The following CA10 variants were observed in gnomAD, a reference collection of about 807,000 sequenced individuals.
CA10 encodes the protein carbonic anhydrase 10 (inactive).
A neutral mutation model predicts 44.2 loss-of-function variants in CA10; 14 were observed. The ratio of observed to expected loss-of-function variants is 0.32; its 90% CI spans 0.21 to 0.50. CA10 has a LOEUF of 0.50. Ranked by LOEUF, CA10 falls within the 20% of genes least tolerant of loss-of-function variation. The pLI, the probability that CA10 is intolerant of heterozygous loss-of-function variation, is 0.99. For synonymous variants in CA10, 159 were observed against 141.6 expected (o/e 1.12, Z -0.87); for missense variants, 350 against 409.7 (o/e 0.85, Z 1.26).
intron 3 of CA10, among the ~76,000 whole-genome samples, chr17:51,823,297 G>A (rs1907886343): frequency 6.6e-6 from 1 of 152,212 alleles, no homozygotes; most frequent in African/African-American, 2.4e-5. Context: ...ACTCCAGGAA[G>A]CCACGGTGGG....
chr17:51,978,648 C>A (rs1424660215), intron 2 of CA10, among the ~76,000 whole-genome samples: 2 of 152,028 alleles, frequency 1.3e-5, no homozygotes, highest in Non-Finnish European at 2.9e-5. Context: ...AGGCAGAACA[C>A]AATAGGCATT....
At chr17:52,081,216 T>A (rs2143172538) in intron 1 of CA10, among the ~76,000 whole-genome samples, 2 of 152,320 alleles carry the variant, frequency 1.3e-5, no homozygotes, top group East Asian at 3.9e-4. Context: ...TGAGATTGTA[T>A]GACAGTGATG....
At chr17:51,663,043 TC>T (rs1376165465) in intron 4 of CA10, among the ~76,000 whole-genome samples, 1 of 152,142 alleles carries the variant, frequency 6.6e-6, no homozygotes, top group African/African-American at 2.4e-5. Flanking sequence ...TCTGATTATT[TC>T]TTTATGCATA....
chr17:51,776,825 A>T (rs1272907152), intron 3 of CA10, among the ~76,000 whole-genome samples: 1 of 152,194 alleles, frequency 6.6e-6, no homozygotes, highest in Non-Finnish European at 1.5e-5. Context: ...CGTATTGGAC[A>T]ATTCAGTCCT....
chr17:51,850,601 C>T (rs879373167), intron 3 of CA10, among the ~76,000 whole-genome samples: 23 of 152,300 alleles, frequency 1.5e-4, no homozygotes, highest in African/African-American at 2.4e-4. Flanking sequence ...CTCCATTTCA[C>T]GGATGGGAGG....
At chr17:51,864,448 T>G (rs943937293) in intron 3 of CA10, among the ~76,000 whole-genome samples, 2 of 152,230 alleles carry the variant, frequency 1.3e-5, no homozygotes, top group African/African-American at 4.8e-5. Flanking sequence ...ATAGATTTAC[T>G]TCTGGCATTT....
In CA10 at chr17:52,072,307, A is replaced by C; in HGVS notation, c.136+12T>G. The C allele has an allele frequency of 6.4e-7, 1 of 1,551,716 alleles. No individual in the cohort carries two copies. The highest frequency in any genetic ancestry group is 8.9e-7 in the Non-Finnish European group (1 of 1,126,152). On this transcript the variant is annotated intron_variant, in intron 2 of 8. Transcript: ENST00000451037. ...TTTTAATAAATAAATTAAAGAATTA[A>C]TGTGTACTTACCTGGAACAAAGCTT...
intron 2 of CA10, among the ~76,000 whole-genome samples, chr17:51,973,492 A>G (rs1207991232): frequency 6.6e-6 from 1 of 152,234 alleles, no homozygotes; most frequent in East Asian, 1.9e-4. Flanking sequence ...GAGGTCTAGC[A>G]GAGAATAACT....
intron 2 of CA10, among the ~76,000 whole-genome samples, chr17:52,017,233 G>C (rs1287824010): frequency 6.6e-6 from 1 of 152,136 alleles, no homozygotes; most frequent in Non-Finnish European, 1.5e-5. Context: ...AGCAGCTTTG[G>C]GACTTGGTAA....
At chr17:51,806,494 A>G (rs1907144283) in intron 3 of CA10, among the ~76,000 whole-genome samples, 1 of 152,244 alleles carries the variant, frequency 6.6e-6, no homozygotes, top group Non-Finnish European at 1.5e-5. Flanking sequence ...CTGAACAAGT[A>G]AATTAATGGG....
intron 3 of CA10, among the ~76,000 whole-genome samples, chr17:51,894,979 T>C (rs1981009429): frequency 6.6e-6 from 1 of 152,056 alleles, no homozygotes; most frequent in African/African-American, 2.4e-5. Context: ...TGTAAAAAAA[T>C]TGGAATCCCT....
chr17:52,122,368 A>C (rs1383067024), intron 1 of CA10, among the ~76,000 whole-genome samples: 2 of 152,250 alleles, frequency 1.3e-5, no homozygotes, highest in Admixed American at 6.5e-5. Flanking sequence ...TTAAAGCCTA[A>C]GACAAAAGAG....
intron 1 of CA10, among the ~76,000 whole-genome samples, chr17:52,097,733 A>T (rs961332444): frequency 1.3e-5 from 2 of 152,028 alleles, no homozygotes; most frequent in South Asian, 2.1e-4. Context: ...GGGTCAAGTC[A>T]TCAAGGAGAC....
intron 3 of CA10, among the ~76,000 whole-genome samples, chr17:51,754,000 C>T (rs970245998): frequency 6.6e-5 from 10 of 152,040 alleles, no homozygotes; most frequent in African/African-American, 9.7e-5. Context: ...CCTGCCATCA[C>T]GCCCAGCTAA....
intron 1 of CA10, among the ~76,000 whole-genome samples, chr17:52,126,987 T>A (rs1989133606): frequency 6.6e-6 from 1 of 152,246 alleles, no homozygotes; most frequent in African/African-American, 2.4e-5. Flanking sequence ...TTTACTTATA[T>A]ATTTGTATAT....
At position 51,717,786 on chromosome 17, in the gene CA10, T is replaced by TAC. The variant is rs1916193398; in HGVS notation, c.465+29846_465+29847insGT. Among the ~76,000 whole-genome samples the TAC allele has an allele frequency of 1.6e-4, 12 of 72,866 alleles. 2 individuals are homozygous for TAC. Among genetic ancestry groups the TAC allele is most frequent in the Admixed American group, 7.1e-4 (4 of 5,652 alleles). 47.8% of individuals were successfully genotyped at this position (72,866 alleles called of 152,430 possible). A position where few individuals can be genotyped will look rare whatever the true frequency, so the allele number is the denominator to read the frequency against. Reference sequence around the variant, plus strand: ...ATATATGTATACATATATGCATGTATATATGTATATGTGTATATATATACA... The same window carrying TAC: ...ATATATGTATACATATATGCATGTATACATATGTATATGTGTATATATATACA... On this transcript the variant is annotated intron_variant, in intron 4 of 8. Coordinates refer to ENST00000451037, the MANE Select transcript of CA10 (RefSeq NM_020178.5).
At chr17:51,822,443 AACAAAAAAAC>A (rs915116123) in intron 3 of CA10, among the ~76,000 whole-genome samples, 4 of 151,960 alleles carry the variant, frequency 2.6e-5, no homozygotes, top group African/African-American at 9.7e-5. Context: ...CAAAAACAAA[AACAAAAAAAC>A]AAACAAAAAA....
Position 51,981,793 on chromosome 17 carries a change from T to C in CA10, c.137-50661A>G, listed in dbSNP as rs543342974. 2.0e-5 allele frequency among the ~76,000 whole-genome samples: 3 copies of C among 152,190 alleles called. No individual in the cohort carries two copies. In the South Asian group the frequency reaches 6.2e-4, roughly 31 times the overall value. On this transcript the variant is annotated intron_variant, in intron 2 of 8. Transcript: ENST00000451037. Reference sequence around the variant, plus strand: ...TACTGGGATGTACAACAAATGATAATCAAAATAGCAGATTTTGACAGTACT... The same window carrying C: ...TACTGGGATGTACAACAAATGATAACCAAAATAGCAGATTTTGACAGTACT...
chr17:51,923,482 A>G (rs1238877636), intron 3 of CA10, among the ~76,000 whole-genome samples: 1 of 152,206 alleles, frequency 6.6e-6, no homozygotes, highest in African/African-American at 2.4e-5. Flanking sequence ...TATCTCAAAT[A>G]GTTATTTAAA....
Sources: allele counts gnomAD v4.1 joint callset (sites outside exome capture counted in the v4.1 genomes callset), GRCh38; gene constraint gnomAD v4.1.1; transcripts MANE v1.5; gene names NCBI Gene and HGNC (gene_info 2026-07-23, HGNC 2026-07-21).